The following INCENP variants were observed in gnomAD, a reference collection of about 807,000 sequenced individuals.
The protein encoded by INCENP is inner centromere protein.
In INCENP, 43 loss-of-function variants were observed where a neutral mutation model predicts 107.3. That is an observed-to-expected ratio of 0.40 (90% CI 0.31 to 0.52). INCENP has a LOEUF of 0.52. Ranked by LOEUF, INCENP falls within the 20% of genes least tolerant of loss-of-function variation. The pLI, the probability that INCENP is intolerant of heterozygous loss-of-function variation, is 0.53. For synonymous variants in INCENP, 488 were observed against 494.4 expected (o/e 0.99, Z 0.17); for missense variants, 1,089 against 1,250.9 (o/e 0.87, Z 1.95).
At chr11:62,145,407 C>T in intron 13 of INCENP, 118 bp downstream of exon 13, 4 of 1,462,430 alleles carry the variant, frequency 2.7e-6, no homozygotes, top group Non-Finnish European at 3.7e-6. Context: ...TCCTGTCTGC[C>T]CCATGGGCCC....
chr11:62,127,743 C>G (rs896327960), intron 1 of INCENP, among the ~76,000 whole-genome samples: 1 of 152,184 alleles, frequency 6.6e-6, no homozygotes, highest in Non-Finnish European at 1.5e-5. Context: ...AGAGCGAGAG[C>G]AGGACTGTGT....
intron 11 of INCENP, among the ~76,000 whole-genome samples, chr11:62,142,011 A>G (rs967841143): frequency 2.6e-5 from 4 of 152,168 alleles, no homozygotes; most frequent in Admixed American, 1.3e-4. Context: ...GTGACAGTAG[A>G]ACAGTGGGTG....
In INCENP at chr11:62,126,021, A is replaced by G. The variant is rs1265579396; in HGVS notation, c.-12+1858A>G. On this transcript the variant is annotated intron_variant, in intron 1 of 18. Coordinates refer to ENST00000394818, the MANE Select transcript of INCENP (RefSeq NM_001040694.2). ...CATACAAAATGTGAGACAATGTTCC[A>G]GACGCAGGGCAGAGCTTGTTGAGGA... Among the ~76,000 whole-genome samples, 5 of 152,336 alleles carry G rather than the reference A, an allele frequency of 3.3e-5. No individual in the cohort carries two copies. The South Asian group carries it at 1.0e-3, about 32-fold the overall frequency.
At chr11:62,143,036 C>A (rs1944158043) in intron 11 of INCENP, among the ~76,000 whole-genome samples, 1 of 70,118 alleles carries the variant, frequency 1.4e-5, no homozygotes, top group African/African-American at 5.6e-5. Flanking sequence ...AGGGAAAGAA[C>A]AACACATAGG....
intron 15 of INCENP, among the ~76,000 whole-genome samples, chr11:62,147,590 C>A (rs944362281): frequency 6.6e-6 from 1 of 152,182 alleles, no homozygotes; most frequent in Admixed American, 6.5e-5. Context: ...GCACAAGGCC[C>A]GTGTGTGTGA....
At position 62,145,640 on chromosome 11, in the gene INCENP, G is replaced by C. The variant is rs1295481341; in HGVS notation, c.1848G>C (p.Glu616Asp). Residue 616 changes from glutamate (E) to aspartate (D), a missense_variant, in exon 14 of 19, where the codon GAG (glutamate) becomes GAC (aspartate). Glu to Asp is a conservative substitution (Grantham distance 45). Coordinates refer to ENST00000394818, the MANE Select transcript of INCENP (RefSeq NM_001040694.2). ...GGTGGGCTCTGCAGGCCAAGGAGGA[G>C]CGGCTGGCAGAGGAGAAGGCCAAGA... ...IDEKTEKAKEERLAEEKAKKK... is the reference protein window; with the variant it reads ...IDEKTEKAKEDRLAEEKAKKK... 8 of 1,592,302 alleles carry C rather than the reference G, an allele frequency of 5.0e-6. No homozygotes were observed. Among genetic ancestry groups the C allele is most frequent in the Non-Finnish European group, 6.8e-6 (8 of 1,169,692 alleles).
intron 4 of INCENP, among the ~76,000 whole-genome samples, chr11:62,136,495 CA>C (rs2134639035): frequency 6.6e-6 from 1 of 152,178 alleles, no homozygotes; most frequent in Non-Finnish European, 1.5e-5. Flanking sequence ...GCCTGGCCAA[CA>C]TAGCGAAACC....
rs1462666589 is a variant in INCENP, at chr11:62,151,947, A to C, written c.2728A>C (p.Ser910Arg). The C allele has an allele frequency of 1.2e-6, 2 of 1,612,070 alleles. No individual in the cohort carries two copies. The highest frequency in any genetic ancestry group is 4.5e-5 in the East Asian group (2 of 44,874). ...PPLQGARVPS[S>R]LAYSLKKH ...CCTGCAGGGCGCCAGGGTCCCCAGCAGCCTGGCCTACAGCCTGAAGAAGCA... is the reference window on the plus strand; with the variant it reads ...CCTGCAGGGCGCCAGGGTCCCCAGCCGCCTGGCCTACAGCCTGAAGAAGCA... Residue 910 changes from serine to arginine, a missense_variant, in exon 19 of 19, where the codon AGC (serine) becomes CGC (arginine). Transcript: ENST00000394818.
chr11:62,151,878 C>T lies in INCENP; in HGVS notation c.2659C>T (p.Arg887Cys), dbSNP rs372185540. 22 of 1,614,164 alleles carry T rather than the reference C, an allele frequency of 1.4e-5. No individual in the cohort carries two copies. The highest frequency in any genetic ancestry group is 5.0e-5 in the Admixed American group (3 of 60,026). The change falls in exon 19 of 19, where the codon CGC (arginine) becomes TGC (cysteine). Residue 887 changes from arginine (R) to cysteine (C), a missense_variant. Physicochemically the swap from Arg to Cys is radical, Grantham distance 180. Coordinates refer to ENST00000394818, the MANE Select transcript of INCENP (RefSeq NM_001040694.2). ...GGATATCTTCAAGAAGAGCAAGCCC[C>T]GCTATCACAAGCGCACCAGCTCTGC... ...LEDIFKKSKP[R>C]YHKRTSSAVW...
chr11:62,133,514 G>A (rs1386049511), intron 4 of INCENP, among the ~76,000 whole-genome samples: 3 of 152,194 alleles, frequency 2.0e-5, no homozygotes, highest in African/African-American at 7.2e-5. Context: ...CCACCTTGGG[G>A]CGTTCGAGCC....
chr11:62,125,538 G>A, intron 1 of INCENP, among the ~76,000 whole-genome samples: 1 of 152,222 alleles, frequency 6.6e-6, no homozygotes, highest in East Asian at 1.9e-4. Flanking sequence ...CTGCAGAGCC[G>A]AGGTTTCAGC....
intron 11 of INCENP, among the ~76,000 whole-genome samples, chr11:62,142,719 C>G (rs1395872869): frequency 6.6e-6 from 1 of 152,202 alleles, no homozygotes; most frequent in Non-Finnish European, 1.5e-5. Flanking sequence ...CAATGTTAGT[C>G]CCGATTTTGA....
In INCENP at chr11:62,140,264, G is replaced by A; in HGVS notation, c.1322G>A (p.Arg441Lys). Residue 441 changes from arginine (R) to lysine (K), a missense_variant, in exon 8 of 19, where the codon AGA (arginine) becomes AAA (lysine). By Grantham distance (26) the Arg-to-Lys change is conservative. Coordinates refer to ENST00000394818, the MANE Select transcript of INCENP (RefSeq NM_001040694.2). ...EAKTDQADGPREPPQSARRKR... is the reference protein window; with the variant it reads ...EAKTDQADGPKEPPQSARRKR... ...AAGACGGACCAAGCAGATGGACCCA[G>A]AGAGCCACCGCAGAGTGCCAGGTTT... The A allele has an allele frequency of 6.2e-7, 1 of 1,613,788 alleles. No homozygotes were observed. The highest frequency in any genetic ancestry group is 8.5e-7 in the Non-Finnish European group (1 of 1,179,928).
chr11:62,149,110 G>A (rs1193817751), intron 17 of INCENP, among the ~76,000 whole-genome samples: 1 of 152,088 alleles, frequency 6.6e-6, no homozygotes, highest in Non-Finnish European at 1.5e-5. Flanking sequence ...TAAGCGCGTT[G>A]TATATCCTTC....
intron 2 of INCENP, 117 bp from the exon 3 acceptor site, chr11:62,128,653 C>T (rs1469443429): frequency 5.3e-6 from 4 of 755,838 alleles, no homozygotes; most frequent in Non-Finnish European, 9.3e-6. Context: ...TCACTTGGTG[C>T]TGGACACCCC....
At chr11:62,140,557 C>A in intron 8 of INCENP, 147 bp from the exon 9 acceptor site, 1 of 706,148 alleles carries the variant, frequency 1.4e-6, no homozygotes, top group Non-Finnish European at 2.4e-6. Context: ...TCTGAGTGGG[C>A]AGCAGAGGGT....
At chr11:62,149,471 G>T (rs909921236) in intron 17 of INCENP, among the ~76,000 whole-genome samples, 2 of 152,124 alleles carry the variant, frequency 1.3e-5, no homozygotes, top group African/African-American at 4.8e-5. Flanking sequence ...AAGTTAGTAT[G>T]GTATCTGTCA....
In INCENP at chr11:62,141,047, G is replaced by A. The variant is rs1007186737; in HGVS notation, c.1593+3G>A. On this transcript the variant is annotated splice_donor_region_variant and intron_variant, in intron 10 of 18. Coordinates refer to ENST00000394818, the MANE Select transcript of INCENP (RefSeq NM_001040694.2). Reference sequence around the variant, plus strand: ...CTCCCCTGCGCATGGACCCCAAGGTGAGGGGCCTGTGCCCAGGCCGGGCTT... The same window carrying A: ...CTCCCCTGCGCATGGACCCCAAGGTAAGGGGCCTGTGCCCAGGCCGGGCTT... 3.1e-6 allele frequency: 5 copies of A among 1,612,510 alleles called. No individual in the cohort carries two copies. Among genetic ancestry groups the A allele is most frequent in the African/African-American group, 1.3e-5 (1 of 74,938 alleles).
chr11:62,140,618 G>A (rs976906332), intron 8 of INCENP, 86 bp from the exon 9 acceptor site: 38 of 1,163,496 alleles, frequency 3.3e-5, no homozygotes, highest in African/African-American at 1.8e-4. Context: ...GCCTGGGCCC[G>A]GTATTGTTCA....
Sources: allele counts gnomAD v4.1 joint callset (sites outside exome capture counted in the v4.1 genomes callset), GRCh38; gene constraint gnomAD v4.1.1; transcripts MANE v1.5; gene names NCBI Gene and HGNC (gene_info 2026-07-23, HGNC 2026-07-21).